The following EYA1 variants were observed in gnomAD, a reference collection of about 807,000 sequenced individuals.
EYA1 encodes the protein protein phosphatase EYA1.
EYA1 carries 16 observed loss-of-function variants against 82.0 expected under a neutral mutation model. That is an observed-to-expected ratio of 0.20 (90% CI 0.13 to 0.30). EYA1 has a LOEUF of 0.30. Ranked by LOEUF, EYA1 falls within the 10% of genes least tolerant of loss-of-function variation. The probability of loss-of-function intolerance (pLI) is 1.00; values close to 1 mark genes in which losing one functional copy is unlikely to be tolerated. For missense variants in EYA1, 633 were observed against 730.7 expected, an observed-to-expected ratio of 0.87 and a Z score of 1.54; for synonymous variants, 261 against 264.4, an observed-to-expected ratio of 0.99 and a Z score of 0.12.
At chr8:71,245,588 G>C (rs1214346135) in intron 11 of EYA1, among the ~76,000 whole-genome samples, 1 of 151,092 alleles carries the variant, frequency 6.6e-6, no homozygotes, top group East Asian at 1.9e-4. Context: ...TATTTTACGT[G>C]TGGCCTCAAA....
intron 1 of EYA1, among the ~76,000 whole-genome samples, chr8:71,357,915 T>C (rs7006868): frequency 0.089 from 13,495 of 152,092 alleles, 787 homozygotes; most frequent in African/African-American, 0.16. Flanking sequence ...CTCACACAAG[T>C]TTAAGTGGTT....
chr8:71,259,859 A>G lies in EYA1; in HGVS notation c.1050+9881T>C, dbSNP rs138373736. ...GTAACCATTTTCTAACCATGAAAGT[A>G]TCTCTCCTTTTTATGTAACTATGTT... is the stretch of plus-strand genomic sequence containing the variant. On this transcript the variant is annotated intron_variant, in intron 11 of 17. Coordinates refer to ENST00000340726, the MANE Select transcript of EYA1 (RefSeq NM_000503.6). 3.2e-3 allele frequency among the ~76,000 whole-genome samples: 483 copies of G among 152,320 alleles called. 4 individuals carry two copies. The highest frequency in any genetic ancestry group is 0.011 in the African/African-American group (460 of 41,576).
chr8:71,220,850 G>A (rs769319470), intron 12 of EYA1, among the ~76,000 whole-genome samples: 44 of 152,296 alleles, frequency 2.9e-4, no homozygotes, highest in Non-Finnish European at 5.9e-4. Flanking sequence ...GGAGGAAGGA[G>A]CCAGGAGAGG....
At chr8:71,355,033 G>C (rs1826721150) in intron 2 of EYA1, 124 bp from the exon 3 acceptor site, 1 of 963,520 alleles carries the variant, frequency 1.0e-6, no homozygotes, top group African/African-American at 1.6e-5. Flanking sequence ...CTATTTCTTA[G>C]ACTCAAAATA....
chr8:71,387,742 C>T (rs1283344378), intron 2 of EYA1, among the ~76,000 whole-genome samples: 1 of 151,956 alleles, frequency 6.6e-6, no homozygotes, highest in African/African-American at 2.4e-5. Context: ...GTTTGAGGTA[C>T]CCATGGGATA....
intron 12 of EYA1, among the ~76,000 whole-genome samples, chr8:71,235,740 A>G (rs1438315319): frequency 6.6e-6 from 1 of 152,202 alleles, no homozygotes; most frequent in Admixed American, 6.5e-5. Context: ...ATAAATAGGT[A>G]TTGAATATTG....
chr8:71,440,553 G>C (rs1806350928), intron 2 of EYA1, among the ~76,000 whole-genome samples: 1 of 152,300 alleles, frequency 6.6e-6, no homozygotes, highest in South Asian at 2.1e-4. Flanking sequence ...TTGAGATGGG[G>C]AAGACCAAAC....
intron 9 of EYA1, among the ~76,000 whole-genome samples, chr8:71,283,077 A>G (rs905874169): frequency 2.6e-5 from 4 of 151,812 alleles, no homozygotes; most frequent in Non-Finnish European, 5.9e-5. Flanking sequence ...AATCCTTCTC[A>G]TGCCCACAAG....
intron 2 of EYA1, among the ~76,000 whole-genome samples, chr8:71,392,550 G>A (rs1282903657): frequency 2.0e-5 from 3 of 152,166 alleles, no homozygotes; most frequent in Non-Finnish European, 4.4e-5. Context: ...GTAATGAGGT[G>A]AGAGATAGGC....
chr8:71,256,655 A>G (rs1384559990), intron 11 of EYA1, among the ~76,000 whole-genome samples: 1 of 152,210 alleles, frequency 6.6e-6, no homozygotes, highest in Non-Finnish European at 1.5e-5. Flanking sequence ...ACTGAACTGT[A>G]TACTTAAAAT....
chr8:71,411,641 C>G (rs1312738599), intron 2 of EYA1, among the ~76,000 whole-genome samples: 2 of 151,634 alleles, frequency 1.3e-5, no homozygotes, highest in African/African-American at 2.4e-5. Flanking sequence ...CTCATCATCA[C>G]TGGCCATCAG....
At chr8:71,461,727 A>G (rs1396900946) in intron 2 of EYA1, among the ~76,000 whole-genome samples, 1 of 152,164 alleles carries the variant, frequency 6.6e-6, no homozygotes, top group Non-Finnish European at 1.5e-5. Context: ...AGGGTGAGCA[A>G]GATGAAGAGG....
At chr8:71,397,568 G>A (rs1829702141) in intron 2 of EYA1, among the ~76,000 whole-genome samples, 1 of 152,184 alleles carries the variant, frequency 6.6e-6, no homozygotes, top group Non-Finnish European at 1.5e-5. Flanking sequence ...GGCTGGATAT[G>A]AAATTCTGGG....
At chr8:71,368,288 C>T (rs755480980) in intron 2 of EYA1, among the ~76,000 whole-genome samples, 19 of 151,996 alleles carry the variant, frequency 1.3e-4, no homozygotes, top group South Asian at 6.3e-4. Flanking sequence ...GAGGTCAGAG[C>T]GCCCGTAGAG....
intron 3 of EYA1, among the ~76,000 whole-genome samples, chr8:71,345,078 T>C (rs1379214849): frequency 6.6e-6 from 1 of 152,184 alleles, no homozygotes; most frequent in African/African-American, 2.4e-5. Context: ...CCTGGAGACA[T>C]TACAGTAGCC....
At chr8:71,334,949 G>A (rs1473959076) in intron 3 of EYA1, among the ~76,000 whole-genome samples, 4 of 152,220 alleles carry the variant, frequency 2.6e-5, no homozygotes, top group African/African-American at 9.6e-5. Context: ...TATGGTGACA[G>A]TGTTATTGTT....
chr8:71,252,509 G>T (rs905839733), intron 11 of EYA1, among the ~76,000 whole-genome samples: 2 of 151,994 alleles, frequency 1.3e-5, no homozygotes, highest in African/African-American at 4.8e-5. Context: ...TATTTTTGAG[G>T]TGACCATATT....
At chr8:71,261,073 G>T (rs2128931487) in intron 11 of EYA1, among the ~76,000 whole-genome samples, 1 of 152,180 alleles carries the variant, frequency 6.6e-6, no homozygotes, top group Admixed American at 6.5e-5. Context: ...ACCCCATGCT[G>T]GCTGCCCACA....
intron 2 of EYA1, among the ~76,000 whole-genome samples, chr8:71,395,574 G>GT (rs1421600325): frequency 1.3e-5 from 2 of 152,110 alleles, no homozygotes; most frequent in Non-Finnish European, 2.9e-5. Flanking sequence ...CTTTGGTTCT[G>GT]TTTATATGCT....
Sources: allele counts gnomAD v4.1 joint callset (sites outside exome capture counted in the v4.1 genomes callset), GRCh38; gene constraint gnomAD v4.1.1; transcripts MANE v1.5; gene names NCBI Gene and HGNC (gene_info 2026-07-23, HGNC 2026-07-21).